XYLT1: variants seen among roughly 807,000 people sequenced by gnomAD.
The protein encoded by XYLT1 is beta-D-xylosyltransferase 1.
In XYLT1, 36 loss-of-function variants were observed where a neutral mutation model predicts 91.3. That is an observed-to-expected ratio of 0.39 (90% CI 0.30 to 0.52). XYLT1 has a LOEUF of 0.52. Among genes scored for constraint, XYLT1 ranks in the 20% least tolerant of loss-of-function variants. The pLI is 0.68. For missense variants in XYLT1, 1,242 were observed against 1,284.5 expected (o/e 0.97, Z 0.51); for synonymous variants, 588 against 532.0 (o/e 1.11, Z -1.45).
chr16:17,202,035 G>A (rs530061983), intron 3 of XYLT1, among the ~76,000 whole-genome samples: 7 of 152,162 alleles, frequency 4.6e-5, no homozygotes, highest in African/African-American at 1.2e-4. Flanking sequence ...ATTTTATTCC[G>A]AAAATCAGCC....
chr16:17,112,051 G>A (rs1299613968), intron 11 of XYLT1, among the ~76,000 whole-genome samples: 1 of 152,132 alleles, frequency 6.6e-6, no homozygotes, highest in Non-Finnish European at 1.5e-5. Flanking sequence ...ACTGACAAAA[G>A]GCAGGACATT....
In XYLT1 at chr16:17,333,590, T is replaced by A. The variant is rs534590413; in HGVS notation, c.402+24422A>T. The stretch of plus-strand genomic sequence containing the variant: ...AATTAATTAATTAATTAATTTAATT[T>A]ATTTTTTTTTTTTTTGAGATGAAGT... On this transcript the variant is annotated intron_variant, in intron 2 of 11. Transcript: ENST00000261381. 4.8e-4 allele frequency among the ~76,000 whole-genome samples: 71 copies of A among 146,826 alleles called. 1 individual carries two copies. The East Asian group carries it at 7.2e-3, about 15-fold the overall frequency.
intron 1 of XYLT1, among the ~76,000 whole-genome samples, chr16:17,456,028 T>C (rs898175750): frequency 1.3e-5 from 2 of 152,196 alleles, no homozygotes; most frequent in Admixed American, 6.5e-5. Context: ...CAGCAACTTA[T>C]CAAAATATTA....
At chr16:17,346,608 A>T (rs1309322011) in intron 2 of XYLT1, among the ~76,000 whole-genome samples, 2 of 152,230 alleles carry the variant, frequency 1.3e-5, no homozygotes, top group Non-Finnish European at 2.9e-5. Context: ...CAGGTCAGAG[A>T]TGGCCACGAG....
intron 5 of XYLT1, among the ~76,000 whole-genome samples, chr16:17,190,151 C>T (rs978009590): frequency 6.6e-6 from 1 of 152,160 alleles, no homozygotes; most frequent in Non-Finnish European, 1.5e-5. Context: ...TGGGAAGTGA[C>T]TGCTTAATGG....
chr16:17,295,773 G>A (rs997693057), intron 2 of XYLT1, among the ~76,000 whole-genome samples: 19 of 152,180 alleles, frequency 1.2e-4, no homozygotes, highest in African/African-American at 4.3e-4. Context: ...CTAGTGGGTA[G>A]AGTCCAGAGA....
At chr16:17,244,692 T>TA (rs2033406664) in intron 3 of XYLT1, among the ~76,000 whole-genome samples, 1 of 152,228 alleles carries the variant, frequency 6.6e-6, no homozygotes, top group Admixed American at 6.5e-5. Flanking sequence ...AGAATGGTAC[T>TA]AGTTATGTAC....
At chr16:17,462,338 G>A (rs1200676245) in intron 1 of XYLT1, among the ~76,000 whole-genome samples, 1 of 152,130 alleles carries the variant, frequency 6.6e-6, no homozygotes, top group African/African-American at 2.4e-5. Flanking sequence ...ATCTGGCAGG[G>A]TGTCTGGGTT....
chr16:17,154,910 TG>T (rs1358943353), intron 6 of XYLT1, among the ~76,000 whole-genome samples: 1 of 152,200 alleles, frequency 6.6e-6, no homozygotes, highest in African/African-American at 2.4e-5. Flanking sequence ...TGCTTGCCTT[TG>T]TTCATCCCCA....
chr16:17,470,367 G>C, intron 1 of XYLT1, 67 bp downstream of exon 1: 1 of 1,208,830 alleles, frequency 8.3e-7, no homozygotes, highest in Non-Finnish European at 1.0e-6. Flanking sequence ...AAGGGCTAGG[G>C]GGGCGTGGGG....
intron 1 of XYLT1, among the ~76,000 whole-genome samples, chr16:17,445,175 T>C (rs1022062716): frequency 6.6e-6 from 1 of 152,154 alleles, no homozygotes; most frequent in Non-Finnish European, 1.5e-5. Context: ...GTTTGATTTT[T>C]GGAAAGACAG....
At position 17,102,142 on chromosome 16, in the gene XYLT1, C is replaced by T. The variant is rs888257225; in HGVS notation, c.*6553G>A. ...CACACCCAGGTTTTCCCAGGATAGG[C>T]CATTTATGCCTGCAGTCTCAGCATC... is the stretch of plus-strand genomic sequence containing the variant. On this transcript the variant is annotated 3_prime_UTR_variant, in exon 12 of 12. Transcript: ENST00000261381. 1.2e-4 allele frequency: 19 copies of T among 152,120 alleles called. No individual in the cohort carries two copies. The highest frequency in any genetic ancestry group is 1.2e-3 in the Admixed American group (19 of 15,276). 9.4% of individuals were successfully genotyped at this position (152,120 alleles called of 1,614,324 possible). A position where few individuals can be genotyped will look rare whatever the true frequency, so the allele number is the denominator to read the frequency against.
At chr16:17,258,929 G>C (rs1277614368) in intron 3 of XYLT1, 59 bp downstream of exon 3, 2 of 1,464,442 alleles carry the variant, frequency 1.4e-6, no homozygotes, top group East Asian at 4.7e-5. Context: ...GAATGGGGCT[G>C]GGCAGGAGGA....
At chr16:17,260,492 G>A (rs1218841941) in intron 2 of XYLT1, among the ~76,000 whole-genome samples, 1 of 151,970 alleles carries the variant, frequency 6.6e-6, no homozygotes, top group Admixed American at 6.6e-5. Flanking sequence ...GAAACACAGG[G>A]GCAATGGGCG....
rs149428198 is a variant in XYLT1, at chr16:17,200,672, G to A, written c.914-18C>T. 12 of 1,604,388 alleles carry A rather than the reference G, an allele frequency of 7.5e-6. No individual in the cohort carries two copies. The East Asian group carries it at 2.2e-4, about 30-fold the overall frequency. Reference sequence around the variant, plus strand: ...GGCTTTACCTGGGGAAAATCCAAGAGAACAGAGAGGAGAAAGTGAGGCTCT... The same window carrying A: ...GGCTTTACCTGGGGAAAATCCAAGAAAACAGAGAGGAGAAAGTGAGGCTCT... On this transcript the variant is annotated intron_variant, in intron 3 of 11. Transcript: ENST00000261381.
intron 5 of XYLT1, among the ~76,000 whole-genome samples, chr16:17,170,760 T>G (rs2031802649): frequency 6.6e-6 from 1 of 152,214 alleles, no homozygotes; most frequent in Non-Finnish European, 1.5e-5. Flanking sequence ...TGACCTATAA[T>G]ACTAATTTGT....
At chr16:17,270,068 C>T (rs140186097) in intron 2 of XYLT1, among the ~76,000 whole-genome samples, 3,329 of 152,264 alleles carry the variant, frequency 0.022, 120 homozygotes, top group African/African-American at 0.075. Context: ...CTGCCTTGGC[C>T]TCCCAAAGTG....
chr16:17,136,073 G>T (rs2030707547), intron 8 of XYLT1, among the ~76,000 whole-genome samples: 1 of 152,188 alleles, frequency 6.6e-6, no homozygotes, highest in Admixed American at 6.5e-5. Context: ...TGTTTTCATG[G>T]TGGTAGATTA....
chr16:17,409,979 C>T (rs181872896), intron 1 of XYLT1, among the ~76,000 whole-genome samples: 5 of 152,110 alleles, frequency 3.3e-5, no homozygotes, highest in Non-Finnish European at 4.4e-5. Flanking sequence ...GCTTGGACAA[C>T]CAAAGCCAAA....
Sources: gnomAD v4.1 joint callset for allele counts (sites outside exome capture counted in the v4.1 genomes callset) on GRCh38, gnomAD v4.1.1 for gene constraint, MANE v1.5 for transcripts, NCBI Gene and HGNC (gene_info 2026-07-23, HGNC 2026-07-21) for gene names.